The following HID1 variants were observed in gnomAD, a reference collection of about 807,000 sequenced individuals.
HID1 encodes HID1 domain containing.
A neutral mutation model predicts 89.7 loss-of-function variants in HID1; 42 were observed. That is an observed-to-expected ratio of 0.47 (90% CI 0.37 to 0.61). The LOEUF is 0.61. HID1 is among the 20% of genes least tolerant of loss of function. The probability of loss-of-function intolerance (pLI) is 0.00; values close to 1 mark genes in which losing one functional copy is unlikely to be tolerated. For missense variants in HID1, 854 were observed against 1,039.3 expected (o/e 0.82, Z 2.45); for synonymous variants, 442 against 433.8 (o/e 1.02, Z -0.24).
At position 74,962,937 on chromosome 17, in the gene HID1, T is replaced by TG; in HGVS notation, c.504+27dup. The TG allele has an allele frequency of 1.3e-6, 2 of 1,530,280 alleles. No individual in the cohort carries two copies. The highest frequency in any genetic ancestry group is 1.8e-6 in the Non-Finnish European group (2 of 1,108,948). 94.8% of individuals were successfully genotyped at this position (1,530,280 alleles called of 1,614,324 possible). On this transcript the variant is annotated intron_variant, in intron 4 of 18. Transcript: ENST00000425042. The surrounding 1 kb of genome is among the most constrained non-coding windows in gnomAD (Gnocchi z 4.3). ...ACCCAGGACCAGAGCCTACTCCGCC[T>TG]GGGGGTGGGGGGCTGGGGGACACTC...
At position 74,968,692 on chromosome 17, in the gene HID1, T is replaced by C. The variant is rs887236282; in HGVS notation, c.66+3899A>G. Among the ~76,000 whole-genome samples, 9 of 152,160 alleles carry C rather than the reference T, an allele frequency of 5.9e-5. No individual in the cohort carries two copies. In the South Asian group the frequency reaches 1.2e-3, roughly 21 times the overall value. On this transcript the variant is annotated intron_variant, in intron 1 of 18. Transcript: ENST00000425042. ...CAGTCTGGGTGGCCTGGAGCCAGGA[T>C]GGGGTAAGGAAGGACATCCCAGGAA...
intron 2 of HID1, 128 bp downstream of exon 2, chr17:74,964,355 G>A: frequency 9.5e-7 from 1 of 1,052,504 alleles, no homozygotes; most frequent in Non-Finnish European, 1.4e-6. Flanking sequence ...CCACAGAGAA[G>A]TGGAAGAGCT....
chr17:74,952,688 A>G (rs926635773), intron 16 of HID1, among the ~76,000 whole-genome samples: 8 of 152,154 alleles, frequency 5.3e-5, no homozygotes, highest in African/African-American at 1.9e-4. Context: ...CGTGGGGATG[A>G]GATTCAGGGG....
intron 1 of HID1, among the ~76,000 whole-genome samples, chr17:74,965,634 C>A (rs1212616476): frequency 6.6e-6 from 1 of 152,182 alleles, no homozygotes; most frequent in African/African-American, 2.4e-5. Flanking sequence ...AACACACATG[C>A]CCAGCCAGGC....
At chr17:74,963,257 G>A (rs1290250603) in intron 3 of HID1, 176 bp from the exon 4 acceptor site, 2 of 564,744 alleles carry the variant, frequency 3.5e-6, no homozygotes, top group South Asian at 2.2e-5. Flanking sequence ...CAGAAGTGGG[G>A]CACAGCAGGG....
intron 12 of HID1, among the ~76,000 whole-genome samples, chr17:74,957,207 T>G (rs2039403400): frequency 6.6e-6 from 1 of 151,918 alleles, no homozygotes; most frequent in South Asian, 2.1e-4. Context: ...GGTGTGGTGG[T>G]TCACACCTGT....
chr17:74,969,559 G>A (rs2039613960), intron 1 of HID1, among the ~76,000 whole-genome samples: 1 of 152,034 alleles, frequency 6.6e-6, no homozygotes, highest in African/African-American at 2.4e-5. Context: ...CAGAAACTGA[G>A]CTACCCTGGT....
At position 74,962,192 on chromosome 17, in the gene HID1, G is replaced by A. The variant is rs755895126; in HGVS notation, c.611+42C>T. 6.6e-7 allele frequency: 1 copy of A among 1,509,692 alleles called. No homozygotes were observed. Among genetic ancestry groups the A allele is most frequent in the Admixed American group, 1.8e-5 (1 of 57,062 alleles). The allele number at this position is 1,509,692 out of a possible 1,614,324, so 93.5% of individuals were successfully genotyped here. Reference sequence around the variant, plus strand: ...TGAGCTGTGCGGGGGCCCGGCCCGGGGTCCAGCTGCATTGAGGGCTCCGGG... The same window carrying A: ...TGAGCTGTGCGGGGGCCCGGCCCGGAGTCCAGCTGCATTGAGGGCTCCGGG... On this transcript the variant is annotated intron_variant, in intron 5 of 18. Transcript: ENST00000425042. The surrounding 1 kb of genome is among the most constrained non-coding windows in gnomAD (Gnocchi z 4.3).
At chr17:74,961,102 G>A (rs58156224) in intron 6 of HID1, among the ~76,000 whole-genome samples, 4,791 of 152,232 alleles carry the variant, frequency 0.031, 267 homozygotes, top group African/African-American at 0.11. Flanking sequence ...TCGAGCCCTT[G>A]GAATGTGGCT....
In HID1 at chr17:74,963,148, G is replaced by C. The variant is rs2039510585; in HGVS notation, c.388-67C>G. ...CCAGGAAGAGGTGGCCCAGGGCTTG[G>C]GGGTGGTGGAGGACAGGGGCTGAGC... is the stretch of plus-strand genomic sequence containing the variant. On this transcript the variant is annotated intron_variant, in intron 3 of 18. Coordinates refer to ENST00000425042, the MANE Select transcript of HID1 (RefSeq NM_030630.3). The C allele has an allele frequency of 6.5e-6, 8 of 1,223,898 alleles. No homozygotes were observed. The South Asian group carries it at 8.4e-5, about 13-fold the overall frequency. The allele number at this position is 1,223,898 out of a possible 1,614,324, so 75.8% of individuals were successfully genotyped here.
chr17:74,951,394 C>T lies in HID1; in HGVS notation c.*176G>A, dbSNP rs775244675. On this transcript the variant is annotated 3_prime_UTR_variant, in exon 19 of 19. Coordinates refer to ENST00000425042, the MANE Select transcript of HID1 (RefSeq NM_030630.3). ...GTCCAGCCTAGGGGTTGAGGGGGAT[C>T]TGAGCCAGTTCACATTGTCCTGGCC... 1.6e-6 allele frequency: 1 copy of T among 634,414 alleles called. No homozygotes were observed. Among genetic ancestry groups the T allele is most frequent in the East Asian group, 2.8e-5 (1 of 36,302 alleles). The allele number at this position is 634,414 out of a possible 1,614,324, so 39.3% of individuals were successfully genotyped here.
At chr17:74,964,085 C>T (rs748978688) in intron 2 of HID1, 175 bp from the exon 3 acceptor site, 3 of 653,290 alleles carry the variant, frequency 4.6e-6, no homozygotes, top group Non-Finnish European at 5.2e-6. Flanking sequence ...GGTCGGCCAG[C>T]CTTGGGGGAC....
In HID1 at chr17:74,961,974, T is replaced by C. The variant is rs775588969; in HGVS notation, c.627A>G (p.Lys209=). The change falls in exon 6 of 19, where the codon AAA becomes AAG. Residue 209 remains lysine (K), a synonymous_variant. Coordinates refer to ENST00000425042, the MANE Select transcript of HID1 (RefSeq NM_030630.3). The part of the protein sequence containing the change: ...IHDMNRMELL[K]LLLTCFSEAM... ...CCTCGGAGAAGCATGTCAGCAGCAG[T>C]TTCAGCAGCTCCATCCTTGTAGGAG... is the stretch of plus-strand genomic sequence containing the variant. The C allele has an allele frequency of 2.6e-5, 41 of 1,587,862 alleles. No homozygotes were observed. The highest frequency in any genetic ancestry group is 3.1e-5 in the Non-Finnish European group (36 of 1,167,448).
intron 1 of HID1, among the ~76,000 whole-genome samples, chr17:74,971,034 G>A (rs1335025526): frequency 5.3e-5 from 8 of 152,206 alleles, no homozygotes; most frequent in African/African-American, 1.7e-4. Flanking sequence ...CCATCATAGG[G>A]CTGTAGCCAG....
At chr17:74,956,867 G>A (rs2039398803) in intron 12 of HID1, among the ~76,000 whole-genome samples, 1 of 152,218 alleles carries the variant, frequency 6.6e-6, no homozygotes, top group South Asian at 2.1e-4. Context: ...CTGGGTGGGG[G>A]TAGGGGCTGG....
chr17:74,955,501 GAA>G lies in HID1; in HGVS notation c.1636+289_1636+290del, dbSNP rs34128961. 8.7e-4 allele frequency among the ~76,000 whole-genome samples: 129 copies of G among 148,844 alleles called. No individual in the cohort carries two copies. In the Middle Eastern group the frequency reaches 0.01, roughly 12 times the overall value. On this transcript the variant is annotated intron_variant, in intron 13 of 18. Coordinates refer to ENST00000425042, the MANE Select transcript of HID1 (RefSeq NM_030630.3). ...GGGCGACAGAGTGAGACGCCGTCGGGAAAAAAAAAAAAATTTCAGATGTCCAT... is the reference window on the plus strand; with the variant it reads ...GGGCGACAGAGTGAGACGCCGTCGGGAAAAAAAAAAATTTCAGATGTCCAT...
chr17:74,954,165 G>T lies in HID1; in HGVS notation c.1837C>A (p.Leu613Ile). Residue 613 changes from leucine (L) to isoleucine (I), a missense_variant, in exon 14 of 19, where the codon CTC (leucine) becomes ATC (isoleucine). Leu to Ile is a conservative substitution (Grantham distance 5, BLOSUM62 2). Coordinates refer to ENST00000425042, the MANE Select transcript of HID1 (RefSeq NM_030630.3). Reference sequence around the variant, plus strand: ...GGAGTAGCCACCAGACTGGTCTTGAGGGTGCCTGGCTCTGCAGGGGCAGCG... The same window carrying T: ...GGAGTAGCCACCAGACTGGTCTTGATGGTGCCTGGCTCTGCAGGGGCAGCG... Reference protein sequence around the residue: ...RPAAPAEPGTLKTSLVATPGI... With the variant: ...RPAAPAEPGTIKTSLVATPGI... 6.2e-7 allele frequency: 1 copy of T among 1,601,894 alleles called. No individual in the cohort carries two copies.
Position 74,972,740 on chromosome 17 carries a change from C to G in HID1, c.-84G>C, listed in dbSNP as rs2039670747. 1 of 1,335,486 alleles carries G rather than the reference C, an allele frequency of 7.5e-7. No individual in the cohort carries two copies. 82.7% of individuals were successfully genotyped at this position (1,335,486 alleles called of 1,614,324 possible). A position where few individuals can be genotyped will look rare whatever the true frequency, so the allele number is the denominator to read the frequency against. On this transcript the variant is annotated 5_prime_UTR_variant, in exon 1 of 19. Coordinates refer to ENST00000425042, the MANE Select transcript of HID1 (RefSeq NM_030630.3). This position sits in a 1 kb window ranked among gnomAD's most constrained non-coding sequence, Gnocchi z 6.4. ...AGCTCCGGCTCCAGCTCCGCGGCCCCCGCGGCTCTCGCAGGAGACAAGCGG... is the reference window on the plus strand; with the variant it reads ...AGCTCCGGCTCCAGCTCCGCGGCCCGCGCGGCTCTCGCAGGAGACAAGCGG...
intron 17 of HID1, 41 bp from the exon 18 acceptor site, chr17:74,952,104 AG>A (rs1188513649): frequency 1.3e-6 from 2 of 1,547,612 alleles, no homozygotes; most frequent in South Asian, 1.2e-5. Flanking sequence ...CACGTGGTCC[AG>A]GGGAGCACGG....
Sources: gnomAD v4.1 joint callset for allele counts (sites outside exome capture counted in the v4.1 genomes callset) on GRCh38, gnomAD v4.1.1 for gene constraint, Gnocchi (gnomAD v3.1) non-coding constraint, MANE v1.5 for transcripts, NCBI Gene and HGNC (gene_info 2026-07-23, HGNC 2026-07-21) for gene names.